The following TMEM132B variants were observed in gnomAD, a reference collection of about 807,000 sequenced individuals.
TMEM132B encodes the protein transmembrane protein 132B.
In TMEM132B, 18 loss-of-function variants were observed where a neutral mutation model predicts 90.8. The observed-to-expected ratio is 0.20, with a 90% CI of 0.14 to 0.29. TMEM132B has a LOEUF of 0.29. Ranked by LOEUF, TMEM132B falls within the 10% of genes least tolerant of loss-of-function variation. The pLI, the probability that TMEM132B is intolerant of heterozygous loss-of-function variation, is 1.00. For synonymous variants in TMEM132B, 504 were observed against 523.3 expected, an observed-to-expected ratio of 0.96 and a Z score of 0.50; for missense variants, 1,096 against 1,326.8, an observed-to-expected ratio of 0.83 and a Z score of 2.70.
intron 2 of TMEM132B, among the ~76,000 whole-genome samples, chr12:125,392,928 A>C (rs1007410150): frequency 1.3e-5 from 2 of 152,320 alleles, no homozygotes; most frequent in African/African-American, 2.4e-5. Flanking sequence ...GGTACATCAG[A>C]CTGAGCCCTG....
chr12:125,242,931 T>C (rs1164565773), intron 1 of TMEM132B, among the ~76,000 whole-genome samples: 1 of 151,248 alleles, frequency 6.6e-6, no homozygotes, highest in African/African-American at 2.4e-5. Context: ...TCCTAGAACA[T>C]TTTCTTTTTT....
Position 125,367,688 on chromosome 12 carries a change from T to C in TMEM132B, c.959+17345T>C, listed in dbSNP as rs576305261. The stretch of plus-strand genomic sequence containing the variant: ...GGAAATTCTTCCTCAGAGTGGGTCT[T>C]CCTCTGAGTATGGACTCCCCTCCAT... On this transcript the variant is annotated intron_variant, in intron 2 of 8. Coordinates refer to ENST00000682704, the MANE Select transcript of TMEM132B (RefSeq NM_001366854.1). Among the ~76,000 whole-genome samples the C allele has an allele frequency of 5.1e-4, 78 of 152,326 alleles. 1 individual carries two copies. In the Middle Eastern group the frequency reaches 0.01, roughly 20 times the overall value.
intron 1 of TMEM132B, among the ~76,000 whole-genome samples, chr12:125,321,886 G>A (rs112328076): frequency 6.5e-4 from 99 of 151,776 alleles, no homozygotes; most frequent in African/African-American, 1.3e-3. Flanking sequence ...ATGTTTATTC[G>A]TCATTGCCCC....
chr12:125,516,612 C>T (rs1883169038), intron 3 of TMEM132B, among the ~76,000 whole-genome samples: 2 of 152,248 alleles, frequency 1.3e-5, no homozygotes, highest in Non-Finnish European at 1.5e-5. Context: ...GGCTGATCAT[C>T]TTATGCAGAC....
intron 5 of TMEM132B, among the ~76,000 whole-genome samples, chr12:125,629,114 A>G (rs370299600): frequency 5.9e-5 from 9 of 151,620 alleles, no homozygotes; most frequent in Non-Finnish European, 1.3e-4. Context: ...TTTGCTTAGG[A>G]TAGCTTTGGC....
At chr12:125,442,335 C>A (rs541320980) in intron 3 of TMEM132B, among the ~76,000 whole-genome samples, 1 of 152,060 alleles carries the variant, frequency 6.6e-6, no homozygotes, top group African/African-American at 2.4e-5. Flanking sequence ...TGAATATTAT[C>A]CACTCATTGG....
chr12:125,341,241 G>A (rs1877170132), intron 1 of TMEM132B, among the ~76,000 whole-genome samples: 1 of 152,208 alleles, frequency 6.6e-6, no homozygotes, highest in Non-Finnish European at 1.5e-5. Context: ...TCTTAGGCAA[G>A]TCACATAACT....
chr12:125,327,728 TTGGGTGCCTC>T (rs1390968652), intron 1 of TMEM132B, among the ~76,000 whole-genome samples: 1 of 152,128 alleles, frequency 6.6e-6, no homozygotes, highest in Non-Finnish European at 1.5e-5. Context: ...AGCAGGACCA[TTGGGTGCCTC>T]TGGGCCAGGG....
intron 2 of TMEM132B, among the ~76,000 whole-genome samples, chr12:125,354,942 T>A (rs571159174): frequency 9.9e-5 from 15 of 152,234 alleles, no homozygotes; most frequent in African/African-American, 2.9e-4. Flanking sequence ...ATGTTATGGA[T>A]ATGGAAACTG....
At chr12:125,264,202 C>A (rs1414138389) in intron 1 of TMEM132B, among the ~76,000 whole-genome samples, 1 of 152,108 alleles carries the variant, frequency 6.6e-6, no homozygotes, top group Non-Finnish European at 1.5e-5. Flanking sequence ...ACATCGCTTC[C>A]TCTGCCTCTG....
At chr12:125,519,859 C>G (rs1883263994) in intron 4 of TMEM132B, among the ~76,000 whole-genome samples, 1 of 152,076 alleles carries the variant, frequency 6.6e-6, no homozygotes, top group East Asian at 1.9e-4. Flanking sequence ...CCTGGGGAGC[C>G]CTTATTCTTT....
intron 3 of TMEM132B, among the ~76,000 whole-genome samples, chr12:125,429,622 C>T (rs186090476): frequency 6.0e-4 from 92 of 152,236 alleles, no homozygotes; most frequent in South Asian, 1.9e-3. Flanking sequence ...CCTTGACAGA[C>T]GGTCTTGAGG....
At chr12:125,276,749 G>A (rs949518319) in intron 1 of TMEM132B, among the ~76,000 whole-genome samples, 22 of 152,174 alleles carry the variant, frequency 1.4e-4, no homozygotes, top group African/African-American at 3.1e-4. Context: ...AAGCGCTGGC[G>A]TCTCCCCTGA....
chr12:125,640,227 G>T (rs1041338233), intron 5 of TMEM132B, among the ~76,000 whole-genome samples: 1 of 152,236 alleles, frequency 6.6e-6, no homozygotes, highest in Non-Finnish European at 1.5e-5. Flanking sequence ...ACCAATCATT[G>T]GCAAAGCAGA....
chr12:125,279,237 A>G (rs78319196), intron 1 of TMEM132B, among the ~76,000 whole-genome samples: 23,089 of 150,446 alleles, frequency 0.15, 2,321 homozygotes, highest in African/African-American at 0.28. Flanking sequence ...ATCCCAGGCT[A>G]TAGGGCTGTT....
intron 2 of TMEM132B, among the ~76,000 whole-genome samples, chr12:125,409,187 G>A (rs1879609751): frequency 6.6e-6 from 1 of 152,126 alleles, no homozygotes; most frequent in South Asian, 2.1e-4. Context: ...TCCACTCTTT[G>A]GAGAGTTGCT....
At chr12:125,373,580 C>T (rs574683645) in intron 2 of TMEM132B, among the ~76,000 whole-genome samples, 7 of 152,162 alleles carry the variant, frequency 4.6e-5, no homozygotes, top group South Asian at 2.1e-4. Context: ...CCCCAGTCTA[C>T]GGTACTTCGT....
intron 5 of TMEM132B, among the ~76,000 whole-genome samples, chr12:125,589,301 T>C (rs973530181): frequency 1.3e-5 from 2 of 151,490 alleles, no homozygotes. Flanking sequence ...GCTAACACGG[T>C]GAAACCCTGT....
At position 125,659,639 on chromosome 12, in the gene TMEM132B, AT is replaced by A; in HGVS notation, c.*4934del. The A allele has an allele frequency of 6.6e-6, 1 of 152,330 alleles. No individual in the cohort carries two copies. The highest frequency in any genetic ancestry group is 1.5e-5 in the Non-Finnish European group (1 of 68,034). The allele number at this position is 152,330 out of a possible 1,614,324, so 9.4% of individuals were successfully genotyped here. On this transcript the variant is annotated 3_prime_UTR_variant, in exon 9 of 9. Transcript: ENST00000682704. ...GTGTATTTCTTGAAACTGCAGAGTC[AT>A]TTTTGGCATGCTGGCAAATGCTACT... is the stretch of plus-strand genomic sequence containing the variant.
Sources: gnomAD v4.1 joint callset for allele counts (sites outside exome capture counted in the v4.1 genomes callset) on GRCh38, gnomAD v4.1.1 for gene constraint, MANE v1.5 for transcripts, NCBI Gene and HGNC (gene_info 2026-07-23, HGNC 2026-07-21) for gene names.